Variants in TCF4 observed in about 807,000 individuals in gnomAD.
TCF4 encodes transcription factor 4.
A neutral mutation model predicts 82.1 loss-of-function variants in TCF4; 3 were observed. The ratio of observed to expected loss-of-function variants is 0.04; its 90% CI spans 0.02 to 0.09. TCF4 has a LOEUF of 0.09. Among genes scored for constraint, TCF4 ranks in the 10% least tolerant of loss-of-function variants. The pLI is 1.00. For missense variants in TCF4, 518 were observed against 852.7 expected (o/e 0.61, Z 4.89); for synonymous variants, 276 against 309.6 (o/e 0.89, Z 1.14).
intron 6 of TCF4, among the ~76,000 whole-genome samples, chr18:55,371,695 C>A (rs2089243374): frequency 6.6e-6 from 1 of 152,126 alleles, no homozygotes; most frequent in South Asian, 2.1e-4. Context: ...AACACTTCCA[C>A]TGGGAAGTCT....
intron 5 of TCF4, chr18:55,403,752 C>G: frequency 6.5e-7 from 1 of 1,535,548 alleles, no homozygotes. Context: ...CTTCCAAAAA[C>G]TGTCATTCCA....
At chr18:55,328,901 A>C (rs542183083) in intron 8 of TCF4, among the ~76,000 whole-genome samples, 1 of 152,112 alleles carries the variant, frequency 6.6e-6, no homozygotes, top group African/African-American at 2.4e-5. Context: ...GGGTTTATTA[A>C]CCCTCTTTGG....
chr18:55,450,643 A>C (rs548074841), intron 5 of TCF4, among the ~76,000 whole-genome samples: 86 of 152,344 alleles, frequency 5.6e-4, no homozygotes, highest in African/African-American at 1.7e-3. Context: ...TGTGGAGTAA[A>C]GGGAATGAGA....
intron 5 of TCF4, among the ~76,000 whole-genome samples, chr18:55,431,712 T>C (rs1171597928): frequency 1.3e-5 from 2 of 152,118 alleles, no homozygotes; most frequent in African/African-American, 4.8e-5. Context: ...AAAAGATGAG[T>C]TGGACCCAGG....
At chr18:55,275,498 A>T (rs2146139618) in intron 10 of TCF4, 121 bp downstream of exon 10, 1 of 1,275,294 alleles carries the variant, frequency 7.8e-7, no homozygotes. Context: ...ACTTAAGAAT[A>T]ATGGGTGTGT....
chr18:55,328,096 CAAGACCAG>C (rs1158086929), intron 8 of TCF4, among the ~76,000 whole-genome samples: 9 of 152,084 alleles, frequency 5.9e-5, no homozygotes, highest in African/African-American at 2.2e-4. Flanking sequence ...TACCAAGTAG[CAAGACCAG>C]AATATATAGA....
intron 6 of TCF4, among the ~76,000 whole-genome samples, chr18:55,386,793 T>C (rs1012507071): frequency 6.6e-6 from 1 of 152,172 alleles, no homozygotes; most frequent in Non-Finnish European, 1.5e-5. Context: ...CTTTCACCAG[T>C]TGAAAAACCA....
intron 6 of TCF4, among the ~76,000 whole-genome samples, chr18:55,391,025 C>T (rs1028662880): frequency 2.0e-5 from 3 of 152,168 alleles, no homozygotes; most frequent in Non-Finnish European, 4.4e-5. Context: ...GAGACAGTTA[C>T]ATGGCAGAGA....
intron 3 of TCF4, among the ~76,000 whole-genome samples, chr18:55,488,693 G>T (rs571293413): frequency 6.6e-6 from 1 of 152,272 alleles, no homozygotes; most frequent in East Asian, 1.9e-4. Context: ...TGTTCAAACA[G>T]CCATCACCAA....
intron 3 of TCF4, among the ~76,000 whole-genome samples, chr18:55,547,204 C>CA (rs1325131142): frequency 2.0e-5 from 3 of 152,220 alleles, no homozygotes; most frequent in Non-Finnish European, 4.4e-5. Context: ...ACTTCAGTGT[C>CA]ATTGCACTAT....
intron 3 of TCF4, among the ~76,000 whole-genome samples, chr18:55,469,227 G>A (rs2096116949): frequency 6.6e-6 from 1 of 152,120 alleles, no homozygotes; most frequent in South Asian, 2.1e-4. Flanking sequence ...ACTTTGAGAT[G>A]CCGAGGCGGG....
At chr18:55,317,177 A>C (rs1192461159) in intron 8 of TCF4, among the ~76,000 whole-genome samples, 1 of 149,798 alleles carries the variant, frequency 6.7e-6, no homozygotes, top group African/African-American at 2.5e-5. Context: ...TAAATGGGTA[A>C]ATTAAAGTGC....
At chr18:55,376,116 G>A (rs2090678402) in intron 6 of TCF4, among the ~76,000 whole-genome samples, 1 of 149,962 alleles carries the variant, frequency 6.7e-6, no homozygotes, top group Non-Finnish European at 1.5e-5. Context: ...CCACCCCCAG[G>A]GCTCAAGGGA....
intron 2 of TCF4, among the ~76,000 whole-genome samples, chr18:55,612,983 A>G (rs181053301): frequency 6.6e-6 from 1 of 152,218 alleles, no homozygotes. Context: ...ACTGAAGTCT[A>G]GGTTTCAATG....
At chr18:55,369,913 TTG>T (rs3838896) in intron 6 of TCF4, among the ~76,000 whole-genome samples, 42,195 of 150,636 alleles carry the variant, frequency 0.28, 6,078 homozygotes, top group East Asian at 0.57. Flanking sequence ...AGAGTTTTAT[TTG>T]TGTGTGTGTG....
At chr18:55,379,042 G>A (rs2091407810) in intron 6 of TCF4, among the ~76,000 whole-genome samples, 1 of 152,108 alleles carries the variant, frequency 6.6e-6, no homozygotes, top group African/African-American at 2.4e-5. Flanking sequence ...TCAGTTATGT[G>A]ACATTTTCTG....
intron 2 of TCF4, among the ~76,000 whole-genome samples, chr18:55,625,989 T>C (rs1374820821): frequency 6.6e-6 from 1 of 152,226 alleles, no homozygotes; most frequent in Non-Finnish European, 1.5e-5. Context: ...CCTTTCCTAT[T>C]AATTTCTATC....
At chr18:55,490,949 T>C (rs2096569721) in intron 3 of TCF4, among the ~76,000 whole-genome samples, 1 of 152,112 alleles carries the variant, frequency 6.6e-6, no homozygotes, top group Admixed American at 6.6e-5. Flanking sequence ...AATGGAAAGG[T>C]TAAGAAAAAG....
At chr18:55,618,899 T>G (rs2097714901) in intron 2 of TCF4, among the ~76,000 whole-genome samples, 1 of 152,120 alleles carries the variant, frequency 6.6e-6, no homozygotes, top group Admixed American at 6.6e-5. Context: ...TATTCTTTAT[T>G]TTGTTTATTT....
Sources: allele counts gnomAD v4.1 joint callset (sites outside exome capture counted in the v4.1 genomes callset), GRCh38; gene constraint gnomAD v4.1.1; transcripts MANE v1.5; gene names NCBI Gene and HGNC (gene_info 2026-07-23, HGNC 2026-07-21).